Variants in BPTF observed in about 807,000 individuals in gnomAD.
The protein encoded by BPTF is nucleosome-remodeling factor subunit BPTF.
A neutral mutation model predicts 292.5 loss-of-function variants in BPTF; 18 were observed. The observed-to-expected ratio is 0.06, with a 90% CI of 0.04 to 0.09. BPTF has a LOEUF of 0.09. Among genes scored for constraint, BPTF ranks in the 10% least tolerant of loss-of-function variants. The probability of loss-of-function intolerance (pLI) is 1.00; values close to 1 mark genes in which losing one functional copy is unlikely to be tolerated. For synonymous variants in BPTF, 1,225 were observed against 1,251.9 expected, an observed-to-expected ratio of 0.98 and a Z score of 0.45; for missense variants, 2,726 against 3,498.7, an observed-to-expected ratio of 0.78 and a Z score of 5.57.
intron 1 of BPTF, among the ~76,000 whole-genome samples, chr17:67,832,778 C>T (rs1176105680): frequency 2.7e-5 from 4 of 146,116 alleles, no homozygotes; most frequent in East Asian, 2.1e-4. Context: ...CCTGTTGATT[C>T]GCCTCTTTTT....
chr17:67,972,006 T>C (rs1952675385), intron 26 of BPTF, among the ~76,000 whole-genome samples: 1 of 152,166 alleles, frequency 6.6e-6, no homozygotes, highest in African/African-American at 2.4e-5. Flanking sequence ...TAGTGTGTTT[T>C]ATGGTGTACA....
chr17:67,923,940 C>G (rs1479907603), intron 14 of BPTF, among the ~76,000 whole-genome samples: 4 of 152,046 alleles, frequency 2.6e-5, no homozygotes, highest in Non-Finnish European at 5.9e-5. Context: ...CTCCCAGATT[C>G]AAGCAATTCT....
At chr17:67,857,354 G>A (rs1384062947) in intron 2 of BPTF, among the ~76,000 whole-genome samples, 2 of 151,576 alleles carry the variant, frequency 1.3e-5, no homozygotes, top group Non-Finnish European at 2.9e-5. Context: ...TAGAGACGGG[G>A]TTTCACCGTG....
chr17:67,866,527 T>A lies in BPTF; in HGVS notation c.1500T>A (p.Leu500=). The change falls in exon 3 of 28, where the codon CTT becomes CTA. Residue 500 remains leucine, a synonymous_variant. Coordinates refer to ENST00000306378, the MANE Select transcript of BPTF (RefSeq NM_182641.4). The part of the protein sequence containing the change: ...KIWYYSTKVQ[L]AELIDCLDKD... ...GGTATTACAGCACAAAGGTCCAACT[T>A]GCAGAATTAATTGACTGTCTAGACA... is the stretch of plus-strand genomic sequence containing the variant. The A allele has an allele frequency of 6.2e-7, 1 of 1,614,142 alleles. No homozygotes were observed. The highest frequency in any genetic ancestry group is 1.1e-5 in the South Asian group (1 of 91,088).
At chr17:67,916,784 AAGAAAGCATTGCCTTTTACATAC>A (rs2063031144) in intron 11 of BPTF, among the ~76,000 whole-genome samples, 1 of 151,324 alleles carries the variant, frequency 6.6e-6, no homozygotes, top group Non-Finnish European at 1.5e-5. Flanking sequence ...AAAAAAAAAA[AAGAAAGCATTGCCTTTTACATAC>A]AGAGTTGTTT....
Position 67,983,322 on chromosome 17 carries a change from A to G in BPTF, c.*1034A>G, listed in dbSNP as rs1371646209. ...AGTCCATTGTCATCACGTCAGAGAAAAATCTTCAGGGGTGCTAATCCTGTT... is the reference window on the plus strand; with the variant it reads ...AGTCCATTGTCATCACGTCAGAGAAGAATCTTCAGGGGTGCTAATCCTGTT... On this transcript the variant is annotated 3_prime_UTR_variant, in exon 28 of 28. Transcript: ENST00000306378. 6.6e-6 allele frequency: 1 copy of G among 152,638 alleles called. No homozygotes were observed. Among genetic ancestry groups the G allele is most frequent in the Admixed American group, 6.5e-5 (1 of 15,274 alleles). 9.5% of individuals were successfully genotyped at this position (152,638 alleles called of 1,614,324 possible). A position where few individuals can be genotyped will look rare whatever the true frequency, so the allele number is the denominator to read the frequency against.
At chr17:67,901,415 A>G (rs2061835297) in intron 7 of BPTF, among the ~76,000 whole-genome samples, 1 of 152,208 alleles carries the variant, frequency 6.6e-6, no homozygotes, top group Admixed American at 6.5e-5. Context: ...TAAAAAATCC[A>G]GATGCCATAG....
chr17:67,911,003 A>G lies in BPTF; in HGVS notation c.3119A>G (p.Asn1040Ser), dbSNP rs1183994204. The change falls in exon 11 of 28, where the codon AAT (asparagine) becomes AGT (serine). Residue 1040 changes from asparagine (N) to serine (S), a missense_variant. Asn to Ser is a conservative substitution (Grantham distance 46). Transcript: ENST00000306378. Reference protein sequence around the residue: ...CQESSQVDVVNVSEGFHLRTS... With the variant: ...CQESSQVDVVSVSEGFHLRTS... The stretch of plus-strand genomic sequence containing the variant: ...GAGAGTTCTCAAGTAGATGTGGTCA[A>G]TGTTAGTGAGGGTTTTCATCTAAGG... 9 of 1,612,398 alleles carry G rather than the reference A, an allele frequency of 5.6e-6. No homozygotes were observed. Among genetic ancestry groups the G allele is most frequent in the Non-Finnish European group, 6.8e-6 (8 of 1,179,302 alleles).
intron 27 of BPTF, among the ~76,000 whole-genome samples, chr17:67,980,428 G>A (rs1229021749): frequency 1.3e-5 from 2 of 152,248 alleles, no homozygotes; most frequent in Non-Finnish European, 2.9e-5. Flanking sequence ...AGTTAAGGTA[G>A]GACAGAGGAG....
chr17:67,891,188 A>C (rs1038639980), intron 4 of BPTF, among the ~76,000 whole-genome samples: 1 of 152,192 alleles, frequency 6.6e-6, no homozygotes. Context: ...TCTCAAAAAA[A>C]AGAAAAAAAA....
Position 67,839,203 on chromosome 17 carries a change from C to T in BPTF, c.613+12866C>T, listed in dbSNP as rs147436037. ...AAGCAATGTTAAATGTTAGTTATAA[C>T]GATAGGCATCTTAGTATGCTTTCCG... On this transcript the variant is annotated intron_variant, in intron 1 of 27. Transcript: ENST00000306378. Among the ~76,000 whole-genome samples, 38 of 152,042 alleles carry T rather than the reference C, an allele frequency of 2.5e-4. No homozygotes were observed. In the East Asian group the frequency reaches 5.8e-3, roughly 23 times the overall value.
At chr17:67,959,518 G>T in intron 23 of BPTF, 23 bp from the exon 24 acceptor site, 2 of 1,498,680 alleles carry the variant, frequency 1.3e-6, no homozygotes, top group Non-Finnish European at 1.8e-6. Flanking sequence ...TGATAGTCTT[G>T]TATTGTCTTT....
intron 3 of BPTF, among the ~76,000 whole-genome samples, chr17:67,870,996 C>T (rs567014147): frequency 6.6e-6 from 1 of 151,842 alleles, no homozygotes; most frequent in East Asian, 1.9e-4. Flanking sequence ...TGGTCTCGAT[C>T]TCCTGACCTC....
chr17:67,932,035 G>A lies in BPTF; in HGVS notation c.6259+16G>A. Reference sequence around the variant, plus strand: ...GTACAGCCAGGTATTTATCCATCCAGCATTATCATTTTACATCTCAACAGC... The same window carrying A: ...GTACAGCCAGGTATTTATCCATCCAACATTATCATTTTACATCTCAACAGC... On this transcript the variant is annotated intron_variant, in intron 18 of 27. Coordinates refer to ENST00000306378, the MANE Select transcript of BPTF (RefSeq NM_182641.4). 2 of 1,598,916 alleles carry A rather than the reference G, an allele frequency of 1.3e-6. No individual in the cohort carries two copies. Among genetic ancestry groups the A allele is most frequent in the Non-Finnish European group, 1.7e-6 (2 of 1,167,064 alleles).
chr17:67,897,165 TAAAAAA>T (rs201259416), intron 7 of BPTF, among the ~76,000 whole-genome samples: 1 of 136,424 alleles, frequency 7.3e-6, no homozygotes, highest in Non-Finnish European at 1.6e-5. Context: ...TTTCTCTACT[TAAAAAA>T]AACAAAAACA....
rs2059962099 is a variant in BPTF, at chr17:67,874,885, G to C, written c.1729G>C (p.Glu577Gln). 2.5e-6 allele frequency: 4 copies of C among 1,613,590 alleles called. No individual in the cohort carries two copies. Among genetic ancestry groups the C allele is most frequent in the Non-Finnish European group, 3.4e-6 (4 of 1,179,868 alleles). The part of the protein sequence containing the change: ...IDNVKSPEET[E>Q]KDKNETENDS... ...TAATGTTAAAAGCCCAGAAGAAACA[G>C]AAAAAGACAAGAATGAGACTGAGAA... Residue 577 changes from glutamate (E) to glutamine (Q), a missense_variant, in exon 4 of 28, where the codon GAA (glutamate) becomes CAA (glutamine). By Grantham distance (29) the Glu-to-Gln change is conservative (BLOSUM62 2). Coordinates refer to ENST00000306378, the MANE Select transcript of BPTF (RefSeq NM_182641.4).
At position 67,940,705 on chromosome 17, in the gene BPTF, C is replaced by T. The variant is rs2065292280; in HGVS notation, c.6477+49C>T. On this transcript the variant is annotated intron_variant, in intron 19 of 27. Coordinates refer to ENST00000306378, the MANE Select transcript of BPTF (RefSeq NM_182641.4). ...AACTTTAGAGGTGATCTTATTTATT[C>T]TTGCGGTAAGTTTAAAAACATGAAC... The T allele has an allele frequency of 4.5e-6, 7 of 1,551,282 alleles. No individual in the cohort carries two copies. The East Asian group carries it at 1.6e-4, about 35-fold the overall frequency.
chr17:67,940,124 A>G (rs990908289), intron 18 of BPTF, among the ~76,000 whole-genome samples: 10 of 152,220 alleles, frequency 6.6e-5, no homozygotes, highest in Non-Finnish European at 1.0e-4. Flanking sequence ...TATAAATGGC[A>G]TATTTTACAC....
chr17:67,973,082 T>C (rs2068972873), intron 26 of BPTF, among the ~76,000 whole-genome samples: 1 of 145,266 alleles, frequency 6.9e-6, no homozygotes, highest in Admixed American at 7.0e-5. Flanking sequence ...ATATATAATA[T>C]ATATATATAA....
Sources: allele counts gnomAD v4.1 joint callset (sites outside exome capture counted in the v4.1 genomes callset), GRCh38; gene constraint gnomAD v4.1.1; transcripts MANE v1.5; gene names NCBI Gene and HGNC (gene_info 2026-07-23, HGNC 2026-07-21).